The following CIMIP2B variants were observed in gnomAD, a reference collection of about 807,000 sequenced individuals.
CIMIP2B encodes ciliary microtubule inner protein 2B, also known as family with sequence similarity 166 member B.
chr9:35,562,803 C>T, the CIMIP2B span: 131 of 1,609,370 alleles, frequency 8.1e-5, no homozygotes, highest in Non-Finnish European at 1.0e-4. Context: ...TCATGCTGCC[C>T]CCACTGCCCG....
chr9:35,562,984 CCTTG>C, the CIMIP2B span: 10 of 1,614,002 alleles, frequency 6.2e-6, no homozygotes, highest in South Asian at 5.5e-5. Flanking sequence ...CTCTTCACTC[CCTTG>C]CTTTTCATGC....
the CIMIP2B span, chr9:35,562,137 G>GTA: frequency 7.4e-5 from 104 of 1,409,796 alleles, no homozygotes; most frequent in Non-Finnish European, 9.6e-5. Context: ...CAAGTGGCAT[G>GTA]GCAAAGCCAT....
the CIMIP2B span, chr9:35,562,221 C>G: frequency 1.0e-6 from 1 of 1,001,968 alleles, no homozygotes. Flanking sequence ...CTGTGGGTAG[C>G]TACCTCGGTT....
At chr9:35,563,455 A>G in the CIMIP2B span, 2 of 1,229,266 alleles carry the variant, frequency 1.6e-6, no homozygotes, top group Non-Finnish European at 2.3e-6. Context: ...GCAGAAGCGG[A>G]GACCTCTGAA....
At chr9:35,562,007 C>T in the CIMIP2B span, 1 of 1,339,456 alleles carries the variant, frequency 7.5e-7, no homozygotes, top group South Asian at 1.2e-5. Flanking sequence ...GTCCAGTGGC[C>T]TAAGCCAAGA....
chr9:35,562,257 G>T, the CIMIP2B span: 1 of 1,064,938 alleles, frequency 9.4e-7, no homozygotes, highest in Non-Finnish European at 1.3e-6. Context: ...TAATAAAGCT[G>T]AACCACATGA....
the CIMIP2B span, chr9:35,562,413 C>A: frequency 6.6e-7 from 1 of 1,525,434 alleles, no homozygotes; most frequent in Non-Finnish European, 8.8e-7. Flanking sequence ...GGTAAAAGAC[C>A]CAGGTTCTGA....
At chr9:35,562,018 G>A in the CIMIP2B span, 1 of 1,421,798 alleles carries the variant, frequency 7.0e-7, no homozygotes, top group African/African-American at 1.5e-5. Context: ...TAAGCCAAGA[G>A]CTGCTTCTGG....
At chr9:35,562,299 C>T in the CIMIP2B span, 2 of 1,259,238 alleles carry the variant, frequency 1.6e-6, no homozygotes, top group African/African-American at 3.1e-5. Context: ...TAGTTTCAAC[C>T]CCCACAAACC....
the CIMIP2B span, chr9:35,562,443 G>T: frequency 1.3e-6 from 2 of 1,578,036 alleles, no homozygotes; most frequent in East Asian, 2.3e-5. Context: ...CTGGGAAGTG[G>T]GGGGAGATGT....
the CIMIP2B span, chr9:35,562,554 A>T: frequency 5.7e-6 from 9 of 1,591,280 alleles, no homozygotes; most frequent in South Asian, 1.0e-4. Context: ...AAGCGGGCGC[A>T]GGGCACATAG....
the CIMIP2B span, chr9:35,562,235 T>C: frequency 1.2e-5 from 13 of 1,042,876 alleles, no homozygotes; most frequent in South Asian, 2.1e-4. Context: ...CTCGGTTTCC[T>C]TTTCTGCCTG....
the CIMIP2B span, chr9:35,562,362 C>T: frequency 1.4e-6 from 2 of 1,455,268 alleles, no homozygotes; most frequent in East Asian, 2.5e-5. Context: ...CCAAAGCCTC[C>T]CCGGGGGCTC....
the CIMIP2B span, chr9:35,563,692 T>C: frequency 7.1e-7 from 1 of 1,409,992 alleles, no homozygotes; most frequent in African/African-American, 1.4e-5. Flanking sequence ...GGCCCCATGC[T>C]CTAAGCAGCT....
At chr9:35,562,870 C>T in the CIMIP2B span, 1 of 1,614,016 alleles carries the variant, frequency 6.2e-7, no homozygotes, top group Non-Finnish European at 8.5e-7. Flanking sequence ...GCTTCTTGGT[C>T]TCACTTGTTC....
At chr9:35,562,522 A>G in the CIMIP2B span, 2 of 1,576,808 alleles carry the variant, frequency 1.3e-6, no homozygotes, top group Non-Finnish European at 8.6e-7. Context: ...TGGTGAGCAC[A>G]GGAAAGCTGG....
the CIMIP2B span, chr9:35,563,301 G>A: frequency 6.2e-7 from 1 of 1,613,978 alleles, no homozygotes; most frequent in South Asian, 1.1e-5. Flanking sequence ...GGCCAGGCTA[G>A]GCCAGGAGGG....
At chr9:35,562,277 T>C in the CIMIP2B span, 6 of 1,100,162 alleles carry the variant, frequency 5.5e-6, no homozygotes, top group Non-Finnish European at 7.7e-6. Context: ...ATCTGAGCCC[T>C]CCCATATCTA....
At chr9:35,563,235 G>A in the CIMIP2B span, 5 of 1,614,014 alleles carry the variant, frequency 3.1e-6, no homozygotes, top group Non-Finnish European at 4.2e-6. Flanking sequence ...CTCTCCCTGG[G>A]AACCTCAGGA....
Sources: allele counts gnomAD v4.1 joint callset, GRCh38; gene constraint gnomAD v4.1.1; transcripts MANE v1.5; gene names NCBI Gene and HGNC (gene_info 2026-07-23, HGNC 2026-07-21).